NUP214: variants seen among roughly 807,000 people sequenced by gnomAD.
The protein encoded by NUP214 is nuclear pore complex protein Nup214.
Under a neutral mutation model 196.2 loss-of-function variants are expected in NUP214, and 79 were observed. That is an observed-to-expected ratio of 0.40 (90% CI 0.34 to 0.49). The LOEUF (loss-of-function observed/expected upper bound fraction) is 0.49, where lower values mean the gene tolerates loss of function less well. Ranked by LOEUF, NUP214 falls within the 20% of genes least tolerant of loss-of-function variation. The probability of loss-of-function intolerance (pLI) is 0.58; values close to 1 mark genes in which losing one functional copy is unlikely to be tolerated. For missense variants in NUP214, 2,468 were observed against 2,539.0 expected (o/e 0.97, Z 0.60); for synonymous variants, 1,020 against 990.5 (o/e 1.03, Z -0.56).
At chr9:131,231,587 T>C (rs1008860132) in intron 34 of NUP214, among the ~76,000 whole-genome samples, 1 of 150,574 alleles carries the variant, frequency 6.6e-6, no homozygotes, top group African/African-American at 2.5e-5. Context: ...AAAATAATAA[T>C]GGTCTTACTA....
chr9:131,209,529 G>C (rs1239926821), intron 30 of NUP214, among the ~76,000 whole-genome samples: 1 of 151,966 alleles, frequency 6.6e-6, no homozygotes, highest in Non-Finnish European at 1.5e-5. Flanking sequence ...TAGTAGCTGG[G>C]ACTACAGGTG....
At chr9:131,196,021 T>G in intron 28 of NUP214, among the ~76,000 whole-genome samples, 1 of 8,350 alleles carries the variant, frequency 1.2e-4, no homozygotes, top group Non-Finnish European at 3.4e-4. Context: ...TGAAACTCTG[T>G]GTGTCCCCCC....
intron 17 of NUP214, among the ~76,000 whole-genome samples, chr9:131,152,569 T>C (rs1029702781): frequency 2.6e-5 from 4 of 152,092 alleles, no homozygotes; most frequent in African/African-American, 4.8e-5. Flanking sequence ...GCTAGGTGTT[T>C]CTTATGCATT....
Position 131,197,557 on chromosome 9 carries a change from A to G in NUP214, c.4063A>G (p.Thr1355Ala), listed in dbSNP as rs760888894. 6.7e-5 allele frequency: 108 copies of G among 1,614,098 alleles called. No homozygotes were observed. The East Asian group carries it at 2.4e-3, about 35-fold the overall frequency. Reference sequence around the variant, plus strand: ...AAAACCAACCAATAAGGCTTCATCCACAAGCCTAACTAGTACCCAGCCAAC... The same window carrying G: ...AAAACCAACCAATAAGGCTTCATCCGCAAGCCTAACTAGTACCCAGCCAAC... ...STKPTNKASS[T>A]SLTSTQPTKT... The change falls in exon 29 of 36, where the codon ACA (threonine) becomes GCA (alanine). Residue 1355 changes from threonine (T) to alanine (A), a missense_variant. Coordinates refer to ENST00000359428, the MANE Select transcript of NUP214 (RefSeq NM_005085.4).
intron 30 of NUP214, among the ~76,000 whole-genome samples, chr9:131,202,636 C>T (rs545508316): frequency 1.3e-5 from 2 of 150,016 alleles, no homozygotes; most frequent in South Asian, 4.3e-4. Flanking sequence ...GGTTTTGCCA[C>T]GTTGCCCAGG....
At chr9:131,226,355 G>A (rs1311404459) in intron 32 of NUP214, among the ~76,000 whole-genome samples, 1 of 152,076 alleles carries the variant, frequency 6.6e-6, no homozygotes, top group Non-Finnish European at 1.5e-5. Context: ...CTTTAAGCCA[G>A]AGTGACTGTT....
At position 131,156,889 on chromosome 9, in the gene NUP214, A is replaced by G. The variant is rs556103392; in HGVS notation, c.2437-2494A>G. On this transcript the variant is annotated intron_variant, in intron 17 of 35. Transcript: ENST00000359428. The stretch of plus-strand genomic sequence containing the variant: ...CATTTAAACATAATAAGATCTCTCT[A>G]CAGATGTAAACTGCTTTTCCTAGTG... Among the ~76,000 whole-genome samples the G allele has an allele frequency of 3.1e-4, 47 of 152,302 alleles. No homozygotes were observed. The South Asian group carries it at 9.3e-3, about 30-fold the overall frequency.
chr9:131,193,629 C>CTTTTTTTTTTTTT (rs71389402), intron 27 of NUP214, among the ~76,000 whole-genome samples: 689 of 28,212 alleles, frequency 0.024, 234 homozygotes, highest in Middle Eastern at 0.1. Context: ...TCTTCCTTTT[C>CTTTTTTTTTTTTT]TTTTTTTTTT....
At chr9:131,219,493 C>CT (rs1834497306) in intron 31 of NUP214, among the ~76,000 whole-genome samples, 1 of 152,212 alleles carries the variant, frequency 6.6e-6, no homozygotes, top group Non-Finnish European at 1.5e-5. Flanking sequence ...AAAAGACAAG[C>CT]TGAGAACACC....
intron 16 of NUP214, 50 bp downstream of exon 16, chr9:131,150,815 T>A (rs1208420120): frequency 1.3e-6 from 2 of 1,555,486 alleles, no homozygotes; most frequent in South Asian, 2.4e-5. Context: ...TTAACAATTT[T>A]TTTCTCCTAG....
intron 15 of NUP214, 67 bp downstream of exon 15, chr9:131,150,477 A>G: frequency 6.3e-7 from 1 of 1,577,388 alleles, no homozygotes; most frequent in Non-Finnish European, 8.7e-7. Context: ...CAGAGTGCCA[A>G]CCCCTGTATG....
chr9:131,175,156 G>A (rs1169746705), intron 22 of NUP214, among the ~76,000 whole-genome samples: 1 of 152,158 alleles, frequency 6.6e-6, no homozygotes, highest in African/African-American at 2.4e-5. Flanking sequence ...AAAAATACCA[G>A]TGTTAGGTAC....
At chr9:131,213,006 A>G (rs1466064903) in intron 30 of NUP214, among the ~76,000 whole-genome samples, 1 of 151,170 alleles carries the variant, frequency 6.6e-6, no homozygotes, top group African/African-American at 2.5e-5. Flanking sequence ...TAGTTTTTAG[A>G]TTTTCCATAA....
At chr9:131,190,751 T>C (rs980440703) in intron 26 of NUP214, 7 of 312,094 alleles carry the variant, frequency 2.2e-5, no homozygotes, top group African/African-American at 6.5e-5. Context: ...CATGATTTCA[T>C]GTATATCTCT....
chr9:131,174,124 C>T lies in NUP214; in HGVS notation c.2963C>T (p.Ser988Leu). Residue 988 changes from serine to leucine, a missense_variant, in exon 22 of 36, where the codon TCA becomes TTA. Ser to Leu is a moderately radical substitution (Grantham distance 145). This residue lies in a region of NUP214 where 1,801 missense variants were observed against 1,779.4 expected (regional missense o/e 1.01). Coordinates refer to ENST00000359428, the MANE Select transcript of NUP214 (RefSeq NM_005085.4). ...GACTTGGATGAAGTCAGCTCAACGT[C>T]ATCTGTCTCCCAGTCTCTGGAGAGT... ...YEDLDEVSST[S>L]SVSQSLESED... The T allele has an allele frequency of 3.1e-6, 5 of 1,613,940 alleles. No homozygotes were observed. Among genetic ancestry groups the T allele is most frequent in the Non-Finnish European group, 3.4e-6 (4 of 1,179,966 alleles).
intron 30 of NUP214, among the ~76,000 whole-genome samples, chr9:131,208,333 A>G (rs969561465): frequency 1.3e-5 from 2 of 152,254 alleles, no homozygotes; most frequent in African/African-American, 4.8e-5. Context: ...CCCAAGTGTC[A>G]AACAGCAGAT....
intron 31 of NUP214, among the ~76,000 whole-genome samples, chr9:131,219,351 A>G (rs1052059425): frequency 3.3e-5 from 5 of 152,170 alleles, no homozygotes; most frequent in Non-Finnish European, 5.9e-5. Context: ...GGCAACATTT[A>G]TGCATGGAAA....
intron 31 of NUP214, 45 bp from the exon 32 acceptor site, chr9:131,222,733 G>A: frequency 6.3e-7 from 1 of 1,587,496 alleles, no homozygotes; most frequent in Non-Finnish European, 8.6e-7. Context: ...AGCAGGTAAG[G>A]ACATTTGTCT....
chr9:131,133,524 G>C (rs539173596), intron 7 of NUP214: 1 of 177,980 alleles, frequency 5.6e-6, no homozygotes, highest in Non-Finnish European at 1.2e-5. Context: ...GGCTGGTCTT[G>C]AACTCCTGAG....
Sources: gnomAD v4.1 joint callset for allele counts (sites outside exome capture counted in the v4.1 genomes callset) on GRCh38, gnomAD v4.1.1 for gene constraint, gnomAD v4.1.1 regional missense constraint, MANE v1.5 for transcripts, NCBI Gene and HGNC (gene_info 2026-07-23, HGNC 2026-07-21) for gene names.